GLRA2: variants seen among roughly 807,000 people sequenced by gnomAD.
GLRA2 encodes the protein glycine receptor alpha 2.
A neutral mutation model predicts 31.6 loss-of-function variants in GLRA2; 11 were observed. The observed-to-expected ratio is 0.35, with a 90% CI of 0.22 to 0.58. GLRA2 has a LOEUF of 0.58. GLRA2 is among the 20% of genes least tolerant of loss of function. The probability of loss-of-function intolerance (pLI) is 0.84; values close to 1 mark genes in which losing one functional copy is unlikely to be tolerated. For synonymous variants in GLRA2, 132 were observed against 134.0 expected (o/e 0.99, Z 0.10); for missense variants, 212 against 351.8 (o/e 0.60, Z 3.18).
chrX:14,678,395 G>T (rs751605813), intron 7 of GLRA2, among the ~76,000 whole-genome samples: 1 of 112,017 alleles, frequency 8.9e-6, no homozygotes, highest in Non-Finnish European at 1.9e-5. Flanking sequence ...AGGGGGACTG[G>T]TTAGGAAGTT....
chrX:14,527,848 G>A (rs762426033), upstream of GLRA2, among the ~76,000 whole-genome samples: 1 of 111,586 alleles, frequency 9.0e-6, no homozygotes, highest in East Asian at 2.8e-4. Context: ...ATAAAATCAG[G>A]TCTAGAGTTT....
At chrX:14,612,724 A>G (rs190625702) in intron 7 of GLRA2, among the ~76,000 whole-genome samples, 2 of 108,386 alleles carry the variant, frequency 1.8e-5, no homozygotes, top group Non-Finnish European at 1.9e-5. Context: ...TAACACAAGA[A>G]TGGAAAACCA....
chrX:14,471,509 T>C, the GLRA2 span, among the ~76,000 whole-genome samples: 1 of 112,197 alleles, frequency 8.9e-6, no homozygotes, highest in South Asian at 3.7e-4. Context: ...CAGCAAATGC[T>C]GTGGTAGGCT....
the GLRA2 span, among the ~76,000 whole-genome samples, chrX:14,522,890 T>C: frequency 2.7e-5 from 3 of 111,964 alleles, no homozygotes; most frequent in Admixed American, 9.5e-5. Context: ...TTGCATACTT[T>C]TTAAGGACCC....
the GLRA2 span, among the ~76,000 whole-genome samples, chrX:14,458,325 T>C: frequency 9.6e-4 from 108 of 112,064 alleles, no homozygotes; most frequent in African/African-American, 3.4e-3. Flanking sequence ...AGTGCCACAA[T>C]AAACATCCGT....
the GLRA2 span, among the ~76,000 whole-genome samples, chrX:14,479,305 T>A: frequency 8.9e-6 from 1 of 112,234 alleles, no homozygotes; most frequent in African/African-American, 3.2e-5. Context: ...TGAGTCAGAT[T>A]TAACATTGCA....
chrX:14,698,433 C>T (rs745463391), intron 8 of GLRA2, among the ~76,000 whole-genome samples: 4 of 109,585 alleles, frequency 3.7e-5, no homozygotes, highest in African/African-American at 6.7e-5. Context: ...AATCCCAGCA[C>T]TTTGGGAGGC....
the GLRA2 span, among the ~76,000 whole-genome samples, chrX:14,468,627 C>A: frequency 1.8e-5 from 2 of 111,928 alleles, no homozygotes; most frequent in East Asian, 5.6e-4. Flanking sequence ...TATATAGAAA[C>A]CTACCTACAT....
intron 7 of GLRA2, among the ~76,000 whole-genome samples, chrX:14,610,872 C>G (rs946844929): frequency 6.2e-5 from 7 of 112,080 alleles, no homozygotes; most frequent in African/African-American, 9.7e-5. Flanking sequence ...CATCAATGGT[C>G]AAAACTATTG....
intron 2 of GLRA2, among the ~76,000 whole-genome samples, chrX:14,568,833 C>T (rs759329929): frequency 8.9e-6 from 1 of 111,914 alleles, no homozygotes; most frequent in Non-Finnish European, 1.9e-5. Flanking sequence ...TAAATGTAAG[C>T]GTTAAAACCA....
chrX:14,458,371 C>G, the GLRA2 span, among the ~76,000 whole-genome samples: 8 of 111,831 alleles, frequency 7.2e-5, no homozygotes, highest in Admixed American at 5.7e-4. Context: ...ATTTATAGTC[C>G]TTTGGGTATA....
intron 7 of GLRA2, among the ~76,000 whole-genome samples, chrX:14,644,859 C>T (rs1223303851): frequency 8.9e-6 from 1 of 111,910 alleles, no homozygotes; most frequent in Admixed American, 9.5e-5. Flanking sequence ...AGTTCAGTAT[C>T]GGCTTTTCAG....
chrX:14,467,849 A>G, the GLRA2 span, among the ~76,000 whole-genome samples: 1 of 100,466 alleles, frequency 1.0e-5, no homozygotes, highest in African/African-American at 3.9e-5. Context: ...GTAAGGACCG[A>G]AAAAAAAAAA....
At chrX:14,524,445 C>T (rs1010827833), upstream of GLRA2, among the ~76,000 whole-genome samples, 3 of 111,800 alleles carry the variant, frequency 2.7e-5, no homozygotes, top group Non-Finnish European at 5.7e-5. Context: ...CTTTATTGTT[C>T]TCTGGGAAAG....
At chrX:14,665,553 C>T (rs181715630) in intron 7 of GLRA2, among the ~76,000 whole-genome samples, 7 of 111,651 alleles carry the variant, frequency 6.3e-5, no homozygotes, top group Non-Finnish European at 1.1e-4. Context: ...AATCCTCAAA[C>T]GGCAGATGGC....
intron 4 of GLRA2, among the ~76,000 whole-genome samples, chrX:14,588,018 T>G (rs1455875809): frequency 9.1e-6 from 1 of 109,858 alleles, no homozygotes; most frequent in Non-Finnish European, 1.9e-5. Context: ...GTGATTTTCT[T>G]GCCTCAGCCT....
At chrX:14,686,023 A>G (rs28762444) in intron 7 of GLRA2, among the ~76,000 whole-genome samples, 27,523 of 110,544 alleles carry the variant, frequency 0.25, 2,712 homozygotes, top group Non-Finnish European at 0.3. Flanking sequence ...CTTTGTTCTC[A>G]TTGGTTTCAA....
chrX:14,539,951 C>T (rs1383896077), intron 2 of GLRA2, among the ~76,000 whole-genome samples: 1 of 111,428 alleles, frequency 9.0e-6, no homozygotes, highest in Non-Finnish European at 1.9e-5. Context: ...CAAAGAATTA[C>T]ATGTAATGGT....
the GLRA2 span, among the ~76,000 whole-genome samples, chrX:14,484,564 G>A: frequency 8.9e-6 from 1 of 112,327 alleles, no homozygotes; most frequent in Non-Finnish European, 1.9e-5. Context: ...GTAGCATAGA[G>A]GGATGGAGTT....
Sources: gnomAD v4.1 joint callset for allele counts (sites outside exome capture counted in the v4.1 genomes callset) on GRCh38, gnomAD v4.1.1 for gene constraint, MANE v1.5 for transcripts, NCBI Gene and HGNC (gene_info 2026-07-23, HGNC 2026-07-21) for gene names.